ADGRL3: variants seen among roughly 807,000 people sequenced by gnomAD.
ADGRL3 encodes adhesion G protein-coupled receptor L3.
Under a neutral mutation model 153.5 loss-of-function variants are expected in ADGRL3, and 62 were observed. That is an observed-to-expected ratio of 0.40 (90% CI 0.33 to 0.50). ADGRL3 has a LOEUF of 0.50. Among genes scored for constraint, ADGRL3 ranks in the 20% least tolerant of loss-of-function variants. The pLI is 0.47. For synonymous variants in ADGRL3, 710 were observed against 672.5 expected (o/e 1.06, Z -0.86); for missense variants, 1,641 against 1,859.4 (o/e 0.88, Z 2.16).
At chr4:61,352,109 G>A (rs2096063106) in intron 1 of ADGRL3, among the ~76,000 whole-genome samples, 1 of 152,138 alleles carries the variant, frequency 6.6e-6, no homozygotes, top group Admixed American at 6.5e-5. Context: ...ACAGGAGTTT[G>A]GAAGAAGTTG....
intron 24 of ADGRL3, among the ~76,000 whole-genome samples, chr4:62,039,507 A>G (rs372940168): frequency 2.4e-4 from 36 of 152,314 alleles, no homozygotes; most frequent in East Asian, 1.2e-3. Context: ...CTTAAATATA[A>G]TTGCATGATT....
intron 19 of ADGRL3, among the ~76,000 whole-genome samples, chr4:61,993,531 A>G (rs769266646): frequency 1.3e-5 from 2 of 151,554 alleles, no homozygotes; most frequent in African/African-American, 2.4e-5. Flanking sequence ...ACCTCAAGTG[A>G]TCTACCCACC....
At chr4:61,425,859 T>C (rs2152377117) in intron 2 of ADGRL3, among the ~76,000 whole-genome samples, 1 of 152,372 alleles carries the variant, frequency 6.6e-6, no homozygotes, top group South Asian at 2.1e-4. Flanking sequence ...GCAATGGGCC[T>C]TCGAGAGTCC....
At chr4:61,521,740 G>A (rs916726303) in intron 4 of ADGRL3, among the ~76,000 whole-genome samples, 2 of 152,162 alleles carry the variant, frequency 1.3e-5, no homozygotes, top group South Asian at 4.1e-4. Context: ...CATTATAAAT[G>A]AGTGTACCAT....
At chr4:61,554,031 G>T (rs1037670664) in intron 4 of ADGRL3, among the ~76,000 whole-genome samples, 3 of 146,480 alleles carry the variant, frequency 2.0e-5, no homozygotes, top group Admixed American at 2.0e-4. Context: ...TCTGATAAAA[G>T]AACAAAAAAA....
At chr4:61,620,743 C>T (rs976326854) in intron 5 of ADGRL3, among the ~76,000 whole-genome samples, 1 of 142,848 alleles carries the variant, frequency 7.0e-6, no homozygotes, top group Non-Finnish European at 1.5e-5. Context: ...CGGGTTCAAG[C>T]GATTCTCCTG....
rs185712883 is a variant in ADGRL3 at position 61,985,834 on chromosome 4, C to A, written c.3236+2231C>A. ...AATAACTATTATTTTTTAATCTCAA[C>A]TTTGTGAATTGTAATCAAGTCTGTG... is the stretch of plus-strand genomic sequence containing the variant. On this transcript the variant is annotated intron_variant, in intron 19 of 26. Transcript: ENST00000683033. Among the ~76,000 whole-genome samples, 1,176 of 151,112 alleles carry A rather than the reference C, an allele frequency of 7.8e-3. 6 individuals carry two copies. The highest frequency in any genetic ancestry group is 0.011 in the Non-Finnish European group (777 of 67,856).
intron 17 of ADGRL3, among the ~76,000 whole-genome samples, chr4:61,951,590 G>A (rs1486220263): frequency 1.3e-5 from 2 of 152,202 alleles, no homozygotes; most frequent in African/African-American, 2.4e-5. Flanking sequence ...GACTGGCTGG[G>A]CGTAGTGGCT....
In ADGRL3 at chr4:61,980,688, G is replaced by A. The variant is rs1312884744; in HGVS notation, c.3015+916G>A. 4.6e-5 allele frequency among the ~76,000 whole-genome samples: 7 copies of A among 152,110 alleles called. No individual in the cohort carries two copies. The South Asian group carries it at 8.3e-4, about 18-fold the overall frequency. ...AATCCTGGATTCAATCGATCCACCC[G>A]CCTCAGCCTCCCAAAGTGCTGGGAT... On this transcript the variant is annotated intron_variant, in intron 18 of 26. Coordinates refer to ENST00000683033, the MANE Select transcript of ADGRL3 (RefSeq NM_001387552.1).
intron 2 of ADGRL3, among the ~76,000 whole-genome samples, chr4:61,458,129 A>G (rs1173107153): frequency 6.6e-6 from 1 of 151,756 alleles, no homozygotes; most frequent in Non-Finnish European, 1.5e-5. Flanking sequence ...TTGTTTTAAT[A>G]TGTAAGGTAT....
At chr4:61,392,684 C>CAAAAAA (rs397993633) in intron 2 of ADGRL3, among the ~76,000 whole-genome samples, 197 of 13,116 alleles carry the variant, frequency 0.015, 36 homozygotes, top group Non-Finnish European at 0.017. Flanking sequence ...GACTCCATCT[C>CAAAAAA]AAAAAAAAAA....
intron 2 of ADGRL3, among the ~76,000 whole-genome samples, chr4:61,400,177 G>A (rs2096912872): frequency 1.3e-5 from 2 of 151,660 alleles, no homozygotes; most frequent in African/African-American, 2.4e-5. Context: ...TATGTTATTT[G>A]CATGGTTAAT....
chr4:61,848,627 CA>C (rs1357149890), intron 9 of ADGRL3, among the ~76,000 whole-genome samples: 1 of 152,048 alleles, frequency 6.6e-6, no homozygotes, highest in African/African-American at 2.4e-5. Flanking sequence ...TTGAGGGACA[CA>C]ATTCAACCCA....
At chr4:61,799,038 T>TATATATATATAC (rs1411460409) in intron 8 of ADGRL3, among the ~76,000 whole-genome samples, 8 of 115,710 alleles carry the variant, frequency 6.9e-5, no homozygotes, top group African/African-American at 1.0e-4. Context: ...TATATATATA[T>TATATATATATAC]ACCATATATT....
At chr4:61,289,872 C>T (rs1165938094) in intron 1 of ADGRL3, among the ~76,000 whole-genome samples, 1 of 152,044 alleles carries the variant, frequency 6.6e-6, no homozygotes, top group East Asian at 1.9e-4. Flanking sequence ...TCAGGTTACT[C>T]TTCTATACAA....
chr4:61,804,921 CTTTATTTATTTA>C (rs377521778), intron 8 of ADGRL3, among the ~76,000 whole-genome samples: 5 of 147,696 alleles, frequency 3.4e-5, no homozygotes, highest in African/African-American at 1.0e-4. Flanking sequence ...TTTCCTGTGC[CTTTATTTATTTA>C]TTTATTTATT....
In ADGRL3 at chr4:61,596,464, T is replaced by C. The variant is rs116713978; in HGVS notation, c.473+9024T>C. ...TGGTAACTTTGGTTTATTATATACT[T>C]AAGTTTATTATTGTGTAGCATTCTG... On this transcript the variant is annotated intron_variant, in intron 5 of 26. Coordinates refer to ENST00000683033, the MANE Select transcript of ADGRL3 (RefSeq NM_001387552.1). 1.6e-3 allele frequency among the ~76,000 whole-genome samples: 246 copies of C among 152,346 alleles called. 2 individuals are homozygous for C. Among genetic ancestry groups the C allele is most frequent in the African/African-American group, 5.8e-3 (243 of 41,586 alleles).
rs1553953059 is a variant in ADGRL3 at position 61,520,682 on chromosome 4, G to GTGTC, written c.259+3183_259+3186dup. On this transcript the variant is annotated intron_variant, in intron 4 of 26. Coordinates refer to ENST00000683033, the MANE Select transcript of ADGRL3 (RefSeq NM_001387552.1). ...TGTGTGTGTGTGTGTGTGTGTGTGTGTGTCTGTCTGTCTGTCTGTCTGAGG... is the reference window on the plus strand; with the variant it reads ...TGTGTGTGTGTGTGTGTGTGTGTGTGTGTCTGTCTGTCTGTCTGTCTGTCTGAGG... Among the ~76,000 whole-genome samples the GTGTC allele has an allele frequency of 1.7e-3, 211 of 123,348 alleles. 2 individuals are homozygous for GTGTC. Among genetic ancestry groups the GTGTC allele is most frequent in the Middle Eastern group, 9.5e-3 (2 of 210 alleles). 80.9% of individuals were successfully genotyped at this position (123,348 alleles called of 152,430 possible). A position where few individuals can be genotyped will look rare whatever the true frequency, so the allele number is the denominator to read the frequency against.
At position 61,587,453 on chromosome 4, in the gene ADGRL3, T is replaced by C. The variant is rs570693972; in HGVS notation, c.473+13T>C. ...TTATGTCTCAAAGGTATGATACTTCTAATATTCTTTTCTTTGTGCACAATA... is the reference window on the plus strand; with the variant it reads ...TTATGTCTCAAAGGTATGATACTTCCAATATTCTTTTCTTTGTGCACAATA... On this transcript the variant is annotated intron_variant, in intron 5 of 26. Coordinates refer to ENST00000683033, the MANE Select transcript of ADGRL3 (RefSeq NM_001387552.1). 141 of 1,566,986 alleles carry C rather than the reference T, an allele frequency of 9.0e-5. 1 individual carries two copies. In the South Asian group the frequency reaches 1.6e-3, roughly 17 times the overall value.
Sources: allele counts gnomAD v4.1 joint callset (sites outside exome capture counted in the v4.1 genomes callset), GRCh38; gene constraint gnomAD v4.1.1; transcripts MANE v1.5; gene names NCBI Gene and HGNC (gene_info 2026-07-23, HGNC 2026-07-21).